The following ENTREP2 variants were observed in gnomAD, a reference collection of about 807,000 sequenced individuals.
The protein encoded by ENTREP2 is protein ENTREP2.
At chr15:29,646,583 C>T in the ENTREP2 span, among the ~76,000 whole-genome samples, 1 of 152,128 alleles carries the variant, frequency 6.6e-6, no homozygotes, top group Non-Finnish European at 1.5e-5. Flanking sequence ...TGGGGAAAGT[C>T]CTCTACATTT....
chr15:29,416,051 C>G, the ENTREP2 span, among the ~76,000 whole-genome samples: 262 of 152,216 alleles, frequency 1.7e-3, 2 homozygotes, highest in Non-Finnish European at 1.6e-3. Context: ...GAATCAGTAT[C>G]GTGAAAATGG....
the ENTREP2 span, among the ~76,000 whole-genome samples, chr15:29,216,344 C>A: frequency 4.6e-5 from 7 of 152,176 alleles, no homozygotes; most frequent in African/African-American, 1.7e-4. Flanking sequence ...TGCTGTTAAT[C>A]TGATAGGTTT....
chr15:29,665,129 C>G, the ENTREP2 span, among the ~76,000 whole-genome samples: 5 of 152,228 alleles, frequency 3.3e-5, no homozygotes, highest in Middle Eastern at 6.3e-3. Context: ...CACTGGCTCC[C>G]AGCCAGAGAC....
chr15:29,506,704 T>G, the ENTREP2 span, among the ~76,000 whole-genome samples: 1 of 152,142 alleles, frequency 6.6e-6, no homozygotes, highest in Non-Finnish European at 1.5e-5. Flanking sequence ...GACAAGCAAA[T>G]GCTGAGGGAT....
the ENTREP2 span, among the ~76,000 whole-genome samples, chr15:29,486,027 G>A: frequency 6.6e-6 from 1 of 152,138 alleles, no homozygotes; most frequent in East Asian, 1.9e-4. Flanking sequence ...CCAAAGGAAA[G>A]GAAATCAGTA....
the ENTREP2 span, among the ~76,000 whole-genome samples, chr15:29,397,441 T>A: frequency 6.6e-6 from 1 of 151,956 alleles, no homozygotes; most frequent in Admixed American, 6.6e-5. Flanking sequence ...AAGTAAGTAA[T>A]CAATAAAATG....
chr15:29,634,539 A>C, the ENTREP2 span, among the ~76,000 whole-genome samples: 3 of 152,220 alleles, frequency 2.0e-5, no homozygotes, highest in Non-Finnish European at 2.9e-5. Flanking sequence ...ATTTCTCCCC[A>C]AAAATAAACA....
At chr15:29,636,423 G>A in the ENTREP2 span, among the ~76,000 whole-genome samples, 2 of 152,216 alleles carry the variant, frequency 1.3e-5, no homozygotes, top group Non-Finnish European at 2.9e-5. Flanking sequence ...GGAGGAACCC[G>A]TGGGGCACAT....
the ENTREP2 span, among the ~76,000 whole-genome samples, chr15:29,479,165 C>T: frequency 5.0e-4 from 74 of 147,014 alleles, no homozygotes; most frequent in African/African-American, 1.8e-3. Context: ...CAAGATCACA[C>T]CACTGCACTC....
chr15:29,509,454 A>G, the ENTREP2 span, among the ~76,000 whole-genome samples: 1 of 152,220 alleles, frequency 6.6e-6, no homozygotes, highest in African/African-American at 2.4e-5. Context: ...AGACTATCCC[A>G]GGCAAAAAGA....
the ENTREP2 span, among the ~76,000 whole-genome samples, chr15:29,311,264 A>T: frequency 4.6e-5 from 7 of 152,184 alleles, no homozygotes; most frequent in African/African-American, 2.4e-5. Flanking sequence ...TAGATTTCTG[A>T]ATTTATGACC....
chr15:29,487,815 C>T, the ENTREP2 span, among the ~76,000 whole-genome samples: 1 of 152,196 alleles, frequency 6.6e-6, no homozygotes, highest in South Asian at 2.1e-4. Context: ...GCCTCAGCCT[C>T]CAGAGCAGCT....
At chr15:29,195,322 G>T in the ENTREP2 span, 1 of 985,162 alleles carries the variant, frequency 1.0e-6, no homozygotes, top group Non-Finnish European at 1.2e-6. Context: ...CTACCAGCCG[G>T]AGACCACCCA....
chr15:29,138,541 T>TTG, the ENTREP2 span, among the ~76,000 whole-genome samples: 6 of 151,352 alleles, frequency 4.0e-5, no homozygotes, highest in East Asian at 3.9e-4. Flanking sequence ...TATGTGTGTG[T>TTG]TGTGTGTGTG....
At chr15:29,520,136 C>T in the ENTREP2 span, among the ~76,000 whole-genome samples, 37 of 152,274 alleles carry the variant, frequency 2.4e-4, no homozygotes, top group Admixed American at 1.2e-3. Context: ...ATGCGCATGA[C>T]GGGTCCCCTA....
the ENTREP2 span, among the ~76,000 whole-genome samples, chr15:29,273,070 G>A: frequency 1.1e-3 from 166 of 152,294 alleles, 2 homozygotes; most frequent in African/African-American, 3.9e-3. Flanking sequence ...TAGAGCGGGT[G>A]AGGGTTTCCA....
chr15:29,255,105 G>A, the ENTREP2 span, among the ~76,000 whole-genome samples: 232 of 152,274 alleles, frequency 1.5e-3, 1 homozygote, highest in African/African-American at 5.2e-3. Flanking sequence ...TGAGAAGATA[G>A]TACAGGATCA....
the ENTREP2 span, among the ~76,000 whole-genome samples, chr15:29,178,913 G>C: frequency 6.6e-6 from 1 of 152,174 alleles, no homozygotes; most frequent in Admixed American, 6.5e-5. Context: ...TCTTGTATTT[G>C]AGACTTCCTA....
the ENTREP2 span, among the ~76,000 whole-genome samples, chr15:29,424,236 C>G: frequency 1.3e-5 from 2 of 152,176 alleles, no homozygotes; most frequent in Non-Finnish European, 2.9e-5. Context: ...CTCTGCACTA[C>G]CTAAGTGGAC....
Sources: gnomAD v4.1 joint callset for allele counts (sites outside exome capture counted in the v4.1 genomes callset) on GRCh38, gnomAD v4.1.1 for gene constraint, MANE v1.5 for transcripts, NCBI Gene and HGNC (gene_info 2026-07-23, HGNC 2026-07-21) for gene names.